Variants in UNC13B observed in about 807,000 individuals in gnomAD.
The protein encoded by UNC13B is protein unc-13 homolog B.
In UNC13B, 144 loss-of-function variants were observed where a neutral mutation model predicts 211.0. That is an observed-to-expected ratio of 0.68 (90% CI 0.60 to 0.78). The LOEUF (loss-of-function observed/expected upper bound fraction) is 0.78, where lower values mean the gene tolerates loss of function less well. Ranked by LOEUF, UNC13B falls within the 30% of genes least tolerant of loss-of-function variation. The pLI is 0.00. For missense variants in UNC13B, 1,777 were observed against 2,002.0 expected (o/e 0.89, Z 2.14); for synonymous variants, 709 against 725.8 (o/e 0.98, Z 0.37).
At chr9:35,398,452 A>G in intron 31 of UNC13B, 102 bp from the exon 32 acceptor site, 1 of 1,379,808 alleles carries the variant, frequency 7.2e-7, no homozygotes, top group Non-Finnish European at 1.0e-6. Context: ...GCGAGGGAGG[A>G]ATAGGCACTG....
intron 1 of UNC13B, among the ~76,000 whole-genome samples, chr9:35,171,249 C>T (rs1821316480): frequency 1.3e-5 from 2 of 152,010 alleles, no homozygotes; most frequent in Admixed American, 6.6e-5. Context: ...CTACAGGTGC[C>T]CGCCACCACG....
chr9:35,282,508 T>C (rs987727761), intron 7 of UNC13B, among the ~76,000 whole-genome samples: 1 of 152,186 alleles, frequency 6.6e-6, no homozygotes, highest in African/African-American at 2.4e-5. Flanking sequence ...CTCGGCTCAC[T>C]GCAACCTCTG....
intron 11 of UNC13B, among the ~76,000 whole-genome samples, chr9:35,358,028 A>G (rs1351386883): frequency 1.3e-5 from 2 of 152,218 alleles, no homozygotes; most frequent in African/African-American, 2.4e-5. Flanking sequence ...TACCTCATGT[A>G]AGTGGAATCA....
intron 1 of UNC13B, among the ~76,000 whole-genome samples, chr9:35,223,146 A>G (rs968784309): frequency 2.0e-5 from 3 of 152,336 alleles, no homozygotes; most frequent in South Asian, 4.1e-4. Context: ...ATAGTGCTGC[A>G]GTAAACATGG....
intron 1 of UNC13B, among the ~76,000 whole-genome samples, chr9:35,164,664 C>T (rs986237499): frequency 6.6e-6 from 1 of 152,256 alleles, no homozygotes; most frequent in Non-Finnish European, 1.5e-5. Context: ...AGACTTTGCT[C>T]TAGCACTAAC....
intron 11 of UNC13B, chr9:35,351,962 A>G: frequency 8.1e-7 from 1 of 1,232,226 alleles, no homozygotes; most frequent in Non-Finnish European, 1.0e-6. Flanking sequence ...AGTAGAATAC[A>G]TCATCAGAGA....
intron 6 of UNC13B, among the ~76,000 whole-genome samples, chr9:35,244,917 C>T (rs986726457): frequency 1.3e-5 from 2 of 152,080 alleles, no homozygotes; most frequent in African/African-American, 4.8e-5. Flanking sequence ...TTTCCGTTAC[C>T]TCCTTTATTC....
intron 1 of UNC13B, among the ~76,000 whole-genome samples, chr9:35,188,453 T>C (rs1158367270): frequency 6.6e-6 from 1 of 152,248 alleles, no homozygotes; most frequent in Non-Finnish European, 1.5e-5. Context: ...AGAAGTCACA[T>C]GCAATTTTGG....
chr9:35,311,728 G>C (rs1288226415), intron 10 of UNC13B, among the ~76,000 whole-genome samples: 1 of 152,174 alleles, frequency 6.6e-6, no homozygotes, highest in South Asian at 2.1e-4. Flanking sequence ...CCCTGGCTGA[G>C]AAACCCAGGA....
intron 7 of UNC13B, chr9:35,291,056 G>T: frequency 6.5e-7 from 1 of 1,549,976 alleles, no homozygotes; most frequent in Non-Finnish European, 8.7e-7. Flanking sequence ...CTGCTTCTTT[G>T]TGGTTTTCTT....
chr9:35,207,443 T>C (rs537543767), intron 1 of UNC13B, among the ~76,000 whole-genome samples: 198 of 151,506 alleles, frequency 1.3e-3, no homozygotes, highest in Non-Finnish European at 2.6e-3. Context: ...AAAAAAAATA[T>C]TTTTTTCTAT....
rs1587581090 is a variant in UNC13B, at chr9:35,304,948, T to C, written c.5544T>C (p.His1848=). The change falls in exon 9 of 40, where the codon CAT becomes CAC. Residue 1848 remains histidine (H), a synonymous_variant. Transcript: ENST00000635942. ...AATTCTCTTTAAATAAAAACAACCA[T>C]GTGAAAAAGCAAAGTTTGTTAAAAT... The part of the protein sequence containing the change: ...RQEFSLNKNN[H]VKKQSLLKSG... The C allele has an allele frequency of 1.3e-5, 5 of 398,740 alleles. No homozygotes were observed. Among genetic ancestry groups the C allele is most frequent in the Admixed American group, 4.4e-5 (1 of 22,700 alleles). 24.7% of individuals were successfully genotyped at this position (398,740 alleles called of 1,614,324 possible).
chr9:35,272,283 A>C lies in UNC13B; in HGVS notation c.526+13233A>C, dbSNP rs1308924772. On this transcript the variant is annotated intron_variant, in intron 7 of 39. Coordinates refer to ENST00000635942, the MANE Select transcript of UNC13B (RefSeq NM_001371189.2). ...TTTTTGTTTTTTTTTTTTGAGATGG[A>C]GTCTCACTCTGTCGTCCAGGCTGGA... is the stretch of plus-strand genomic sequence containing the variant. 2.4e-5 allele frequency among the ~76,000 whole-genome samples: 3 copies of C among 123,754 alleles called. No homozygotes were observed. In the East Asian group the frequency reaches 7.5e-4, roughly 31 times the overall value. 81.2% of individuals were successfully genotyped at this position (123,754 alleles called of 152,430 possible).
intron 22 of UNC13B, chr9:35,384,868 T>A: frequency 1.5e-6 from 1 of 669,642 alleles, no homozygotes; most frequent in Non-Finnish European, 1.8e-6. Context: ...TCCTCCTATG[T>A]TAGATCTTAG....
intron 1 of UNC13B, among the ~76,000 whole-genome samples, chr9:35,165,516 C>G (rs1219275831): frequency 6.6e-6 from 1 of 151,004 alleles, no homozygotes; most frequent in Non-Finnish European, 1.5e-5. Flanking sequence ...CTCCCAGGTT[C>G]AAGCGATTCT....
chr9:35,370,676 A>G (rs1834059849), intron 13 of UNC13B, among the ~76,000 whole-genome samples: 1 of 152,190 alleles, frequency 6.6e-6, no homozygotes, highest in Admixed American at 6.5e-5. Context: ...ATAGGCATCT[A>G]GCTCTTATAG....
chr9:35,295,574 G>A (rs1169112035), intron 7 of UNC13B, 122 bp from the exon 8 acceptor site: 2 of 853,080 alleles, frequency 2.3e-6, no homozygotes, highest in Non-Finnish European at 3.7e-6. Context: ...CTGGGCTCAT[G>A]TGAAGCTCAG....
chr9:35,395,021 A>G (rs1283707077), intron 26 of UNC13B, among the ~76,000 whole-genome samples: 1 of 152,116 alleles, frequency 6.6e-6, no homozygotes, highest in Non-Finnish European at 1.5e-5. Context: ...TCCTGCTTGA[A>G]AAGGAAGGAG....
intron 7 of UNC13B, among the ~76,000 whole-genome samples, chr9:35,272,920 A>G (rs1827975112): frequency 6.6e-6 from 1 of 152,196 alleles, no homozygotes; most frequent in Non-Finnish European, 1.5e-5. Context: ...TATATGTATT[A>G]TGATCTAAAA....
Sources: allele counts gnomAD v4.1 joint callset (sites outside exome capture counted in the v4.1 genomes callset), GRCh38; gene constraint gnomAD v4.1.1; transcripts MANE v1.5; gene names NCBI Gene and HGNC (gene_info 2026-07-23, HGNC 2026-07-21).